The following PTPRM variants were observed in gnomAD, a reference collection of about 807,000 sequenced individuals.
The protein encoded by PTPRM is receptor-type tyrosine-protein phosphatase mu.
In PTPRM, 47 loss-of-function variants were observed where a neutral mutation model predicts 186.7. The ratio of observed to expected loss-of-function variants is 0.25; its 90% CI spans 0.20 to 0.32. The LOEUF is 0.32. PTPRM is among the 10% of genes least tolerant of loss of function. The pLI is 1.00. For synonymous variants in PTPRM, 668 were observed against 674.9 expected (o/e 0.99, Z 0.16); for missense variants, 1,494 against 1,865.0 (o/e 0.80, Z 3.66).
At chr18:8,312,156 G>A (rs570593312) in intron 20 of PTPRM, among the ~76,000 whole-genome samples, 24 of 152,262 alleles carry the variant, frequency 1.6e-4, no homozygotes, top group African/African-American at 5.8e-4. Flanking sequence ...CAGTTCTAGG[G>A]TGCATCTTTC....
intron 1 of PTPRM, among the ~76,000 whole-genome samples, chr18:7,750,122 A>G (rs1197749584): frequency 6.6e-6 from 1 of 152,220 alleles, no homozygotes; most frequent in African/African-American, 2.4e-5. Context: ...GAAAATAGGA[A>G]TTACAGGATA....
rs542348772 is a variant in PTPRM, at chr18:8,288,035, A to G, written c.2755-8333A>G. ...TCAAAGATTGATCTCATTGATATACATGGGAATCAAGAGATAGGCAACTCA... is the reference window on the plus strand; with the variant it reads ...TCAAAGATTGATCTCATTGATATACGTGGGAATCAAGAGATAGGCAACTCA... On this transcript the variant is annotated intron_variant, in intron 19 of 32. Transcript: ENST00000580170. Among the ~76,000 whole-genome samples the G allele has an allele frequency of 6.2e-4, 94 of 152,332 alleles. 1 individual carries two copies. Among genetic ancestry groups the G allele is most frequent in the South Asian group, 1.0e-3 (5 of 4,832 alleles).
At chr18:8,213,363 T>C (rs146403482) in intron 14 of PTPRM, among the ~76,000 whole-genome samples, 34 of 152,232 alleles carry the variant, frequency 2.2e-4, no homozygotes, top group African/African-American at 8.2e-4. Context: ...ATTTCACAAA[T>C]GACAAAAGTC....
chr18:7,845,319 A>T (rs2046537917), intron 2 of PTPRM, among the ~76,000 whole-genome samples: 1 of 152,196 alleles, frequency 6.6e-6, no homozygotes, highest in Non-Finnish European at 1.5e-5. Flanking sequence ...ATTTGCTAAG[A>T]TGGATTAATT....
chr18:8,399,269 A>C (rs2095859956), intron 32 of PTPRM, among the ~76,000 whole-genome samples: 1 of 152,182 alleles, frequency 6.6e-6, no homozygotes, highest in Non-Finnish European at 1.5e-5. Context: ...AGCTCAGGAA[A>C]ACCGGGTCGC....
intron 23 of PTPRM, among the ~76,000 whole-genome samples, chr18:8,356,185 T>C (rs1394901708): frequency 1.3e-5 from 2 of 152,114 alleles, no homozygotes; most frequent in African/African-American, 4.8e-5. Context: ...TGAGGATGCA[T>C]AGACTGAGTG....
intron 14 of PTPRM, among the ~76,000 whole-genome samples, chr18:8,239,861 A>G (rs1330993146): frequency 6.6e-6 from 1 of 152,234 alleles, no homozygotes; most frequent in African/African-American, 2.4e-5. Context: ...GATATTCGTA[A>G]GAACCTTTAA....
chr18:8,104,487 C>T (rs1046997161), intron 11 of PTPRM, among the ~76,000 whole-genome samples: 1 of 152,134 alleles, frequency 6.6e-6, no homozygotes, highest in African/African-American at 2.4e-5. Context: ...CTCCATTGTC[C>T]AGGCTGGAGT....
intron 23 of PTPRM, among the ~76,000 whole-genome samples, chr18:8,369,725 G>A (rs2095652700): frequency 6.6e-6 from 1 of 152,200 alleles, no homozygotes; most frequent in African/African-American, 2.4e-5. Context: ...CGAGGCCAAG[G>A]CAGGAGGATC....
At chr18:8,059,191 T>C (rs2088278566) in intron 7 of PTPRM, among the ~76,000 whole-genome samples, 1 of 149,510 alleles carries the variant, frequency 6.7e-6, no homozygotes, top group Non-Finnish European at 1.5e-5. Context: ...GTTGGATTCC[T>C]AGGTATTTTA....
intron 22 of PTPRM, among the ~76,000 whole-genome samples, chr18:8,327,294 G>C (rs2095383425): frequency 6.6e-6 from 1 of 152,178 alleles, no homozygotes; most frequent in Non-Finnish European, 1.5e-5. Flanking sequence ...CACAGAAACT[G>C]ATATGGAGAA....
chr18:8,200,051 G>A (rs1354796509), intron 14 of PTPRM, among the ~76,000 whole-genome samples: 1 of 152,178 alleles, frequency 6.6e-6, no homozygotes, highest in Non-Finnish European at 1.5e-5. Flanking sequence ...CCTTGTGCTA[G>A]ACGAATGACT....
intron 7 of PTPRM, among the ~76,000 whole-genome samples, chr18:7,987,982 G>T (rs544415453): frequency 7.0e-6 from 1 of 143,158 alleles, no homozygotes; most frequent in East Asian, 2.0e-4. Flanking sequence ...TTCAGGACCA[G>T]CCTGGACAAC....
intron 13 of PTPRM, among the ~76,000 whole-genome samples, chr18:8,124,659 A>C (rs1273041076): frequency 6.6e-6 from 1 of 152,184 alleles, no homozygotes; most frequent in African/African-American, 2.4e-5. Flanking sequence ...AACTGATGGG[A>C]ACCAAAGGAC....
intron 7 of PTPRM, among the ~76,000 whole-genome samples, chr18:7,958,748 T>G (rs1420868269): frequency 1.3e-5 from 2 of 152,178 alleles, no homozygotes; most frequent in African/African-American, 4.8e-5. Context: ...TCAAGTACTA[T>G]TCTTTGGGCA....
At chr18:8,098,993 T>C (rs1439462187) in intron 11 of PTPRM, among the ~76,000 whole-genome samples, 1 of 152,178 alleles carries the variant, frequency 6.6e-6, no homozygotes, top group Non-Finnish European at 1.5e-5. Context: ...CTTCCACCTG[T>C]AAATATTTGC....
chr18:8,385,426 G>C (rs928653000), intron 30 of PTPRM, among the ~76,000 whole-genome samples: 7 of 152,340 alleles, frequency 4.6e-5, no homozygotes, highest in Non-Finnish European at 1.0e-4. Flanking sequence ...TTACAGTGGG[G>C]AGCAAGCTCT....
intron 1 of PTPRM, among the ~76,000 whole-genome samples, chr18:7,661,380 G>A (rs563103978): frequency 6.6e-6 from 1 of 152,338 alleles, no homozygotes; most frequent in African/African-American, 2.4e-5. Flanking sequence ...CATATAAACT[G>A]CTCATGTGGG....
Position 8,113,370 on chromosome 18 carries a change from G to A in PTPRM, c.1857-116G>A, listed in dbSNP as rs1190248231. On this transcript the variant is annotated intron_variant, in intron 11 of 32. Transcript: ENST00000580170. ...CTGTTATATATCAAGCACTTAGTAT[G>A]GACTGCGTCCAGTGTGTTCTTTATT... The A allele has an allele frequency of 5.5e-6, 5 of 913,972 alleles. No homozygotes were observed. In the African/African-American group the frequency reaches 8.3e-5, roughly 15 times the overall value. 56.6% of individuals were successfully genotyped at this position (913,972 alleles called of 1,614,324 possible).
Sources: gnomAD v4.1 joint callset for allele counts (sites outside exome capture counted in the v4.1 genomes callset) on GRCh38, gnomAD v4.1.1 for gene constraint, MANE v1.5 for transcripts, NCBI Gene and HGNC (gene_info 2026-07-23, HGNC 2026-07-21) for gene names.